BMP5: variants seen among roughly 807,000 people sequenced by gnomAD.
BMP5 encodes bone morphogenetic protein 5.
In BMP5, 23 loss-of-function variants were observed where a neutral mutation model predicts 46.6. The observed-to-expected ratio is 0.49, with a 90% CI of 0.35 to 0.70. BMP5 has a LOEUF of 0.70. BMP5 is among the 30% of genes least tolerant of loss of function. BMP5 has a pLI of 0.00. For synonymous variants in BMP5, 204 were observed against 191.9 expected (o/e 1.06, Z -0.52); for missense variants, 545 against 565.6 (o/e 0.96, Z 0.37).
chr6:55,851,817 TC>T (rs2127549909), intron 1 of BMP5, among the ~76,000 whole-genome samples: 1 of 152,258 alleles, frequency 6.6e-6, no homozygotes, highest in South Asian at 2.1e-4. Flanking sequence ...CTACATTCCC[TC>T]TAGTAAATCA....
Position 55,851,446 on chromosome 6 carries a change from C to T in BMP5, c.490+22930G>A, listed in dbSNP as rs566516644. ...AGCAGTAGACAAAGCAAGACTAGAG[C>T]GGTTGTCCAGAGCCAGTTCTCCCAT... is the stretch of plus-strand genomic sequence containing the variant. On this transcript the variant is annotated intron_variant, in intron 1 of 6. Coordinates refer to ENST00000370830, the MANE Select transcript of BMP5 (RefSeq NM_021073.4). 9.0e-4 allele frequency among the ~76,000 whole-genome samples: 137 copies of T among 152,142 alleles called. 2 individuals are homozygous for T. In the South Asian group the frequency reaches 0.019, roughly 22 times the overall value.
chr6:55,840,568 T>C lies in BMP5; in HGVS notation c.491-20721A>G, dbSNP rs540796647. Reference sequence around the variant, plus strand: ...GACATTTTTCTTCCAGCATTTCTTATCATATAGGTTGTGTTGCTTTGAAAT... The same window carrying C: ...GACATTTTTCTTCCAGCATTTCTTACCATATAGGTTGTGTTGCTTTGAAAT... On this transcript the variant is annotated intron_variant, in intron 1 of 6. Transcript: ENST00000370830. Among the ~76,000 whole-genome samples the C allele has an allele frequency of 5.4e-4, 83 of 152,312 alleles. No individual in the cohort carries two copies. The South Asian group carries it at 0.01, about 19-fold the overall frequency.
chr6:55,854,097 T>G (rs1393398955), intron 1 of BMP5, among the ~76,000 whole-genome samples: 1 of 152,138 alleles, frequency 6.6e-6, no homozygotes, highest in Non-Finnish European at 1.5e-5. Context: ...TTTCTGAAAT[T>G]GATGGAGAAA....
intron 1 of BMP5, among the ~76,000 whole-genome samples, chr6:55,837,376 T>TAGATAGATAGATAGATAGAC (rs1236672631): frequency 2.1e-4 from 32 of 149,698 alleles, no homozygotes; most frequent in South Asian, 4.2e-4. Context: ...GATAGATAGA[T>TAGATAGATAGATAGATAGAC]AGACAGACAG....
chr6:55,798,166 C>T (rs181365492), intron 2 of BMP5, among the ~76,000 whole-genome samples: 24 of 152,058 alleles, frequency 1.6e-4, no homozygotes, highest in Non-Finnish European at 2.6e-4. Flanking sequence ...GGACACCAGT[C>T]GTATTGGGTT....
At chr6:55,842,696 G>C (rs1401277498) in intron 1 of BMP5, among the ~76,000 whole-genome samples, 2 of 150,376 alleles carry the variant, frequency 1.3e-5, no homozygotes, top group African/African-American at 2.4e-5. Flanking sequence ...TCTTTTGTGT[G>C]TACACATTCT....
intron 5 of BMP5, among the ~76,000 whole-genome samples, chr6:55,759,955 A>T (rs1020538961): frequency 2.0e-5 from 3 of 151,980 alleles, no homozygotes; most frequent in African/African-American, 7.2e-5. Context: ...CTGTCACCAC[A>T]TAGAGCCATT....
intron 2 of BMP5, among the ~76,000 whole-genome samples, chr6:55,796,211 T>G (rs1775708877): frequency 6.6e-6 from 1 of 152,118 alleles, no homozygotes; most frequent in Non-Finnish European, 1.5e-5. Context: ...TCCTAATCAA[T>G]TCTGCAAGGC....
intron 1 of BMP5, among the ~76,000 whole-genome samples, chr6:55,860,558 G>A (rs558756264): frequency 1.3e-5 from 2 of 152,230 alleles, no homozygotes; most frequent in Admixed American, 1.3e-4. Flanking sequence ...TGGGCTATTG[G>A]TAGATTGGGT....
intron 1 of BMP5, among the ~76,000 whole-genome samples, chr6:55,823,732 C>T (rs1426749521): frequency 6.6e-6 from 1 of 151,958 alleles, no homozygotes; most frequent in Non-Finnish European, 1.5e-5. Context: ...AAGAACCCTT[C>T]CCCTTCCCTT....
intron 3 of BMP5, among the ~76,000 whole-genome samples, chr6:55,791,249 C>T (rs1227293175): frequency 1.3e-5 from 2 of 152,152 alleles, no homozygotes; most frequent in African/African-American, 2.4e-5. Context: ...GTATATTCTC[C>T]ATGAAGTTGC....
chr6:55,818,879 G>T (rs935224941), intron 2 of BMP5, among the ~76,000 whole-genome samples: 6 of 152,120 alleles, frequency 3.9e-5, no homozygotes, highest in Admixed American at 3.3e-4. Context: ...CTGGGAGAGA[G>T]ATATCACCTC....
chr6:55,788,119 A>G (rs983756881), intron 3 of BMP5, among the ~76,000 whole-genome samples: 2 of 151,686 alleles, frequency 1.3e-5, no homozygotes, highest in African/African-American at 4.8e-5. Flanking sequence ...AGGTTTATTA[A>G]CTCAAATACT....
At chr6:55,827,335 T>C (rs1245021767) in intron 1 of BMP5, among the ~76,000 whole-genome samples, 1 of 151,772 alleles carries the variant, frequency 6.6e-6, no homozygotes, top group African/African-American at 2.4e-5. Context: ...AATATAATTT[T>C]CTAGAAGCTA....
intron 5 of BMP5, 63 bp downstream of exon 5, chr6:55,760,394 T>G: frequency 6.8e-7 from 1 of 1,460,080 alleles, no homozygotes; most frequent in South Asian, 1.1e-5. Context: ...CCAAAGACTA[T>G]GACTTATTAA....
chr6:55,853,968 C>G (rs981411496), intron 1 of BMP5, among the ~76,000 whole-genome samples: 4 of 152,030 alleles, frequency 2.6e-5, no homozygotes, highest in African/African-American at 9.7e-5. Flanking sequence ...GAATTTTTTA[C>G]CAAATATAAT....
chr6:55,864,504 C>T (rs986480280), intron 1 of BMP5, among the ~76,000 whole-genome samples: 7 of 152,074 alleles, frequency 4.6e-5, no homozygotes, highest in African/African-American at 1.7e-4. Flanking sequence ...AGAGTTAAAA[C>T]AGCATGAGAC....
chr6:55,789,796 A>G (rs1775534006), intron 3 of BMP5, among the ~76,000 whole-genome samples: 1 of 152,112 alleles, frequency 6.6e-6, no homozygotes, highest in East Asian at 1.9e-4. Flanking sequence ...GCGGCAATAT[A>G]TTTTTTCATT....
intron 3 of BMP5, among the ~76,000 whole-genome samples, chr6:55,790,762 C>G (rs9396158): frequency 6.6e-6 from 1 of 152,148 alleles, no homozygotes; most frequent in African/African-American, 2.4e-5. Context: ...GTATTTCTTA[C>G]GAATCTAACT....
Sources: gnomAD v4.1 joint callset for allele counts (sites outside exome capture counted in the v4.1 genomes callset) on GRCh38, gnomAD v4.1.1 for gene constraint, MANE v1.5 for transcripts, NCBI Gene and HGNC (gene_info 2026-07-23, HGNC 2026-07-21) for gene names.